Variants in RALGAPB observed in about 807,000 individuals in gnomAD.
RALGAPB encodes ral GTPase-activating protein subunit beta.
RALGAPB carries 25 observed loss-of-function variants against 161.1 expected under a neutral mutation model. That is an observed-to-expected ratio of 0.16 (90% CI 0.11 to 0.22). RALGAPB has a LOEUF of 0.22. Among genes scored for constraint, RALGAPB ranks in the 10% least tolerant of loss-of-function variants. The probability of loss-of-function intolerance (pLI) is 1.00; values close to 1 mark genes in which losing one functional copy is unlikely to be tolerated. For synonymous variants in RALGAPB, 629 were observed against 626.1 expected, an observed-to-expected ratio of 1.00 and a Z score of -0.07; for missense variants, 1,391 against 1,815.2, an observed-to-expected ratio of 0.77 and a Z score of 4.25.
rs561100158 is a variant in RALGAPB at position 38,546,536 on chromosome 20, G to A, written c.2902+106G>A. 4.2e-5 allele frequency: 61 copies of A among 1,469,838 alleles called. No individual in the cohort carries two copies. The African/African-American group carries it at 5.8e-4, about 14-fold the overall frequency. The allele number at this position is 1,469,838 out of a possible 1,614,324, so 91.0% of individuals were successfully genotyped here. A position where few individuals can be genotyped will look rare whatever the true frequency, so the allele number is the denominator to read the frequency against. On this transcript the variant is annotated intron_variant, in intron 19 of 29. Coordinates refer to ENST00000262879, the MANE Select transcript of RALGAPB (RefSeq NM_020336.4). ...AGGACAGCCTACAGATTCTAAGTAG[G>A]TCAGAAAGATTTCTAGCTGTGGGAC... is the stretch of plus-strand genomic sequence containing the variant.
At chr20:38,512,404 G>A (rs2085988335) in intron 6 of RALGAPB, among the ~76,000 whole-genome samples, 1 of 152,314 alleles carries the variant, frequency 6.6e-6, no homozygotes, top group Non-Finnish European at 1.5e-5. Flanking sequence ...GTGAACTTGA[G>A]CAATTTATTC....
At chr20:38,497,901 T>C (rs2085472374) in intron 4 of RALGAPB, among the ~76,000 whole-genome samples, 1 of 151,968 alleles carries the variant, frequency 6.6e-6, no homozygotes, top group African/African-American at 2.4e-5. Flanking sequence ...AAACCCCATC[T>C]CTTCTAAAAG....
chr20:38,539,766 A>C lies in RALGAPB; in HGVS notation c.2380-10A>C. 6.2e-7 allele frequency: 1 copy of C among 1,609,204 alleles called. No homozygotes were observed. The highest frequency in any genetic ancestry group is 8.5e-7 in the Non-Finnish European group (1 of 1,176,420). Reference sequence around the variant, plus strand: ...CTGATTGTTTTTGTTCTCCAAATGAATATGCTCAGGTAAAAGTGATGGTTG... The same window carrying C: ...CTGATTGTTTTTGTTCTCCAAATGACTATGCTCAGGTAAAAGTGATGGTTG... On this transcript the variant is annotated splice_polypyrimidine_tract_variant and intron_variant, in intron 16 of 29. Transcript: ENST00000262879.
Position 38,509,065 on chromosome 20 carries a change from T to C in RALGAPB, c.741-12T>C. The C allele has an allele frequency of 6.2e-7, 1 of 1,612,676 alleles. No homozygotes were observed. The highest frequency in any genetic ancestry group is 8.5e-7 in the Non-Finnish European group (1 of 1,178,804). The stretch of plus-strand genomic sequence containing the variant: ...TAAGAAATGGACTCAGTGGTGTGCA[T>C]TTATTTTCTAGATTGCTACGCTTTA... On this transcript the variant is annotated splice_polypyrimidine_tract_variant and intron_variant, in intron 5 of 29. Coordinates refer to ENST00000262879, the MANE Select transcript of RALGAPB (RefSeq NM_020336.4).
intron 3 of RALGAPB, among the ~76,000 whole-genome samples, chr20:38,493,628 A>G (rs2085336456): frequency 6.6e-6 from 1 of 152,198 alleles, no homozygotes; most frequent in Admixed American, 6.5e-5. Context: ...ATATCATAAT[A>G]TAGGGATACC....
rs1465460651 is a variant in RALGAPB at position 38,574,999 on chromosome 20, G to A, written c.*32G>A. 1.0e-5 allele frequency: 16 copies of A among 1,537,946 alleles called. No individual in the cohort carries two copies. The highest frequency in any genetic ancestry group is 1.4e-5 in the Non-Finnish European group (16 of 1,111,102). On this transcript the variant is annotated 3_prime_UTR_variant, in exon 30 of 30. Transcript: ENST00000262879. The stretch of plus-strand genomic sequence containing the variant: ...GAATTTCTAAGACTGTTGAACTCCA[G>A]TTTGGGAACTATAACACAGCAGAAC...
intron 22 of RALGAPB, among the ~76,000 whole-genome samples, chr20:38,555,359 G>A (rs951465881): frequency 2.0e-5 from 3 of 152,172 alleles, no homozygotes; most frequent in African/African-American, 7.2e-5. Context: ...TTGTATTTCA[G>A]CATGTAGCGG....
At chr20:38,497,625 T>C in intron 4 of RALGAPB, 109 bp downstream of exon 4, 2 of 1,210,702 alleles carry the variant, frequency 1.7e-6, no homozygotes, top group African/African-American at 1.5e-5. Context: ...GCATGATGGT[T>C]TACAAACAAA....
At chr20:38,489,848 C>A (rs2085224064) in intron 2 of RALGAPB, among the ~76,000 whole-genome samples, 1 of 152,306 alleles carries the variant, frequency 6.6e-6, no homozygotes, top group South Asian at 2.1e-4. Flanking sequence ...AGGACTAGCA[C>A]AGGCCCTAGT....
chr20:38,560,309 G>A (rs549429322), intron 23 of RALGAPB, among the ~76,000 whole-genome samples: 1 of 152,196 alleles, frequency 6.6e-6, no homozygotes, highest in Non-Finnish European at 1.5e-5. Flanking sequence ...GCCATAGCAG[G>A]AAAACCTAAT....
chr20:38,514,966 T>C (rs1311687805), intron 6 of RALGAPB, among the ~76,000 whole-genome samples: 2 of 152,248 alleles, frequency 1.3e-5, no homozygotes, highest in East Asian at 3.8e-4. Context: ...GCCAATAAAA[T>C]CATTCCTGGT....
At chr20:38,561,716 G>C (rs1315874027) in intron 23 of RALGAPB, among the ~76,000 whole-genome samples, 1 of 152,142 alleles carries the variant, frequency 6.6e-6, no homozygotes, top group Non-Finnish European at 1.5e-5. Flanking sequence ...AGTTTTTCAA[G>C]AGCAGCACTA....
intron 5 of RALGAPB, among the ~76,000 whole-genome samples, chr20:38,506,817 T>TTATG (rs2085777311): frequency 6.6e-6 from 1 of 152,146 alleles, no homozygotes; most frequent in Admixed American, 6.6e-5. Context: ...ATAGGTAGTG[T>TTATG]TATGTATCAG....
chr20:38,513,759 T>C (rs2086044647), intron 6 of RALGAPB, among the ~76,000 whole-genome samples: 1 of 152,210 alleles, frequency 6.6e-6, no homozygotes, highest in Non-Finnish European at 1.5e-5. Context: ...CTTTCATCTG[T>C]TGATGTGAAA....
rs1367244572 is a variant in RALGAPB, at chr20:38,578,386, T to G, written c.*3419T>G. 2 of 152,482 alleles carry G rather than the reference T, an allele frequency of 1.3e-5. No individual in the cohort carries two copies. Among genetic ancestry groups the G allele is most frequent in the African/African-American group, 4.8e-5 (2 of 41,462 alleles). 9.4% of individuals were successfully genotyped at this position (152,482 alleles called of 1,614,324 possible). ...ATGTTCTTCAGATGCTTTTCTTTTT[T>G]TAATGGTGAGGGAAAAGGTATAATT... On this transcript the variant is annotated 3_prime_UTR_variant, in exon 30 of 30. Coordinates refer to ENST00000262879, the MANE Select transcript of RALGAPB (RefSeq NM_020336.4).
rs375051460 is a variant in RALGAPB, at chr20:38,521,875, C to G, written c.1619+177C>G. ...TGTCTCATCAGATTTGGTAAAGACCCTTAAGACCCTTTTTGTTTTAGAAGT... is the reference window on the plus strand; with the variant it reads ...TGTCTCATCAGATTTGGTAAAGACCGTTAAGACCCTTTTTGTTTTAGAAGT... On this transcript the variant is annotated intron_variant, in intron 10 of 29. Transcript: ENST00000262879. 2.0e-5 allele frequency among the ~76,000 whole-genome samples: 3 copies of G among 152,316 alleles called. No homozygotes were observed. In the East Asian group the frequency reaches 5.8e-4, roughly 29 times the overall value.
At chr20:38,568,402 C>T (rs542859629) in intron 26 of RALGAPB, 1 of 152,296 alleles carries the variant, frequency 6.6e-6, no homozygotes, top group South Asian at 2.1e-4. Context: ...AGAGCATCTA[C>T]TAAAAACCTA....
chr20:38,551,042 A>G (rs1217803129), intron 20 of RALGAPB, 29 bp from the exon 21 acceptor site: 1 of 1,610,268 alleles, frequency 6.2e-7, no homozygotes, highest in African/African-American at 1.3e-5. Flanking sequence ...GACCCTGTGT[A>G]ATAAACATAA....
chr20:38,475,753 T>A (rs2084785047), intron 1 of RALGAPB, among the ~76,000 whole-genome samples: 1 of 151,976 alleles, frequency 6.6e-6, no homozygotes, highest in Non-Finnish European at 1.5e-5. Context: ...TAGCTGGGAC[T>A]ACAGGCACCC....
Sources: gnomAD v4.1 joint callset for allele counts (sites outside exome capture counted in the v4.1 genomes callset) on GRCh38, gnomAD v4.1.1 for gene constraint, MANE v1.5 for transcripts, NCBI Gene and HGNC (gene_info 2026-07-23, HGNC 2026-07-21) for gene names.